Variants in MYOM3 observed in about 807,000 individuals in gnomAD.
MYOM3 encodes the protein myomesin-3.
In MYOM3, 155 loss-of-function variants were observed where a neutral mutation model predicts 191.7. That is an observed-to-expected ratio of 0.81 (90% confidence interval 0.71 to 0.92). The LOEUF is 0.92. Among genes scored for constraint, MYOM3 ranks in the 40% least tolerant of loss-of-function variants. The pLI is 0.00. For synonymous variants in MYOM3, 757 were observed against 762.9 expected, an observed-to-expected ratio of 0.99 and a Z score of 0.13; for missense variants, 1,889 against 1,890.6, an observed-to-expected ratio of 1.00 and a Z score of 0.02.
chr1:24,064,215 G>T, intron 29 of MYOM3, 56 bp from the exon 30 acceptor site: 1 of 1,442,434 alleles, frequency 6.9e-7, no homozygotes, highest in Admixed American at 1.7e-5. Flanking sequence ...AGGAGAGATG[G>T]ATACCAAATC....
intron 18 of MYOM3, 90 bp from the exon 19 acceptor site, chr1:24,081,546 G>C: frequency 1.4e-6 from 2 of 1,442,432 alleles, no homozygotes; most frequent in Non-Finnish European, 1.9e-6. Context: ...CAGAGCAGGT[G>C]GTCTGTGGGG....
rs1236360282 is a variant in MYOM3, at chr1:24,095,440, A to G, written c.790+2T>C. 9 of 1,612,504 alleles carry G rather than the reference A, an allele frequency of 5.6e-6. No homozygotes were observed. In the East Asian group the frequency reaches 6.7e-5, roughly 12 times the overall value. On this transcript the variant is annotated splice_donor_variant, in intron 8 of 36. Coordinates refer to ENST00000374434, the MANE Select transcript of MYOM3 (RefSeq NM_152372.4). LOFTEE classifies it high-confidence loss of function. ...GGTCCCGTTCTCCCCCAGCCGACTT[A>G]CTTTTGAAGATCTCTGAATCGAAGC...
chr1:24,086,363 T>C (rs543586806), intron 15 of MYOM3, among the ~76,000 whole-genome samples: 1 of 152,166 alleles, frequency 6.6e-6, no homozygotes, highest in African/African-American at 2.4e-5. Context: ...GACCAGTTGC[T>C]TGCACAGCTG....
chr1:24,079,582 C>T (rs1643642989), intron 20 of MYOM3, among the ~76,000 whole-genome samples: 1 of 152,152 alleles, frequency 6.6e-6, no homozygotes, highest in Admixed American at 6.5e-5. Flanking sequence ...TTTTAAGGTA[C>T]ACTGTGATTA....
Position 24,065,593 on chromosome 1 carries a change from C to T in MYOM3, c.3534+298G>A, listed in dbSNP as rs61773551. 4.4e-3 allele frequency among the ~76,000 whole-genome samples: 675 copies of T among 152,318 alleles called. 3 individuals carry two copies. Among genetic ancestry groups the T allele is most frequent in the Non-Finnish European group, 7.2e-3 (488 of 68,036 alleles). On this transcript the variant is annotated intron_variant, in intron 29 of 36. Transcript: ENST00000374434. ...GGGGGCTAGCCCAAGCCTGCACAGTCATTGGCAGGGCCAGTACTGGAGCTA... is the reference window on the plus strand; with the variant it reads ...GGGGGCTAGCCCAAGCCTGCACAGTTATTGGCAGGGCCAGTACTGGAGCTA...
At position 24,063,314 on chromosome 1, in the gene MYOM3, G is replaced by T. The variant is rs1484863404; in HGVS notation, c.3662-80C>A. On this transcript the variant is annotated intron_variant, in intron 31 of 36. Coordinates refer to ENST00000374434, the MANE Select transcript of MYOM3 (RefSeq NM_152372.4). This position sits in a 1 kb window ranked among gnomAD's most constrained non-coding sequence, Gnocchi z 4.5. ...TTTTGGGGCCGGCTTGTCTGCCTCT[G>T]CCCTGGGGGGCAGGTGCTGTGGGGG... The T allele has an allele frequency of 2.2e-6, 3 of 1,392,406 alleles. No homozygotes were observed. The highest frequency in any genetic ancestry group is 2.8e-5 in the African/African-American group (2 of 70,524). 86.3% of individuals were successfully genotyped at this position (1,392,406 alleles called of 1,614,324 possible).
At chr1:24,085,569 C>T (rs1643728743) in intron 15 of MYOM3, among the ~76,000 whole-genome samples, 1 of 152,182 alleles carries the variant, frequency 6.6e-6, no homozygotes, top group Non-Finnish European at 1.5e-5. Context: ...CTCCTCTCTT[C>T]TTATTCCTAA....
At chr1:24,090,485 AG>A (rs1643803972) in intron 12 of MYOM3, among the ~76,000 whole-genome samples, 1 of 152,188 alleles carries the variant, frequency 6.6e-6, no homozygotes, top group South Asian at 2.1e-4. Context: ...GACATCTGAC[AG>A]GTGCTGGGGT....
intron 35 of MYOM3, among the ~76,000 whole-genome samples, chr1:24,059,798 C>T (rs1369883907): frequency 6.6e-6 from 1 of 152,172 alleles, no homozygotes; most frequent in Admixed American, 6.5e-5. Context: ...AAGCAGAAAT[C>T]TGGTCTACTC....
chr1:24,107,035 G>C, intron 4 of MYOM3, 38 bp downstream of exon 4: 1 of 1,563,598 alleles, frequency 6.4e-7, no homozygotes, highest in Non-Finnish European at 8.7e-7. Flanking sequence ...GTGCGTCGCA[G>C]GTCCCAGGCC....
In MYOM3 at chr1:24,080,197, G is replaced by A. The variant is rs367895658; in HGVS notation, c.2408-3C>T. 5.0e-6 allele frequency: 8 copies of A among 1,605,894 alleles called. No individual in the cohort carries two copies. The highest frequency in any genetic ancestry group is 4.0e-5 in the African/African-American group (3 of 74,706). Reference sequence around the variant, plus strand: ...TGCCCGTACATCGTACGGGGGGCCTGTGACAAGTGAGAGATGGGAAGAGAT... The same window carrying A: ...TGCCCGTACATCGTACGGGGGGCCTATGACAAGTGAGAGATGGGAAGAGAT... On this transcript the variant is annotated splice_region_variant and splice_polypyrimidine_tract_variant and intron_variant, in intron 19 of 36. Transcript: ENST00000374434.
Position 24,064,079 on chromosome 1 carries a change from C to G in MYOM3, c.3615G>C (p.Thr1205=). The change falls in exon 30 of 37, where the codon ACG becomes ACC. Residue 1205 remains threonine (T), a synonymous_variant. Transcript: ENST00000374434. ...CCCATCGCCAGCTCCTACCGTCACC[C>G]GTGAGGTCCAATATGGTGTCGTCCT... ...RGEDDTILDL[T]GDALDAIFTE... is the part of the protein sequence containing the mutation. 1 of 1,613,774 alleles carries G rather than the reference C, an allele frequency of 6.2e-7. No individual in the cohort carries two copies.
rs765031201 is a variant in MYOM3 at position 24,111,597 on chromosome 1, C to T, written c.-19+434G>A. Reference sequence around the variant, plus strand: ...CTCTAAGATTTGGGATCCGAGGGCTCGCTCTCTTTCCCTGCCTGTGGGGTT... The same window carrying T: ...CTCTAAGATTTGGGATCCGAGGGCTTGCTCTCTTTCCCTGCCTGTGGGGTT... On this transcript the variant is annotated intron_variant, in intron 1 of 36. Coordinates refer to ENST00000374434, the MANE Select transcript of MYOM3 (RefSeq NM_152372.4). The surrounding 1 kb of genome is among the most constrained non-coding windows in gnomAD (Gnocchi z 4.7). Among the ~76,000 whole-genome samples, 4 of 152,186 alleles carry T rather than the reference C, an allele frequency of 2.6e-5. No individual in the cohort carries two copies. Among genetic ancestry groups the T allele is most frequent in the African/African-American group, 4.8e-5 (2 of 41,434 alleles).
At chr1:24,064,940 C>T (rs1189531665) in intron 29 of MYOM3, among the ~76,000 whole-genome samples, 1 of 152,214 alleles carries the variant, frequency 6.6e-6, no homozygotes, top group Non-Finnish European at 1.5e-5. Context: ...CTTCTGACCC[C>T]ACCTTCTAGC....
At position 24,108,540 on chromosome 1, in the gene MYOM3, T is replaced by TCTGCTCCTCCTC. The variant is rs1429758831; in HGVS notation, c.85_96dup (p.Glu29_Gln32dup). 1 of 1,580,332 alleles carries TCTGCTCCTCCTC rather than the reference T, an allele frequency of 6.3e-7. No individual in the cohort carries two copies. Among genetic ancestry groups the TCTGCTCCTCCTC allele is most frequent in the Non-Finnish European group, 8.6e-7 (1 of 1,163,664 alleles). The stretch of plus-strand genomic sequence containing the variant: ...CGCAGGCTGTGCTGCCGCTCCTCCT[T>TCTGCTCCTCCTC]CTGCTCCTCCTCCTGCCGGTGCTCC... On this transcript the variant is annotated inframe_insertion, in exon 2 of 37. Coordinates refer to ENST00000374434, the MANE Select transcript of MYOM3 (RefSeq NM_152372.4).
Position 24,111,616 on chromosome 1 carries a change from TG to T in MYOM3, c.-19+414del, listed in dbSNP as rs1474639536. ...AGGGCTCGCTCTCTTTCCCTGCCTG[TG>T]GGGTTGGCCAAGCCGGGCTCAGCCA... On this transcript the variant is annotated intron_variant, in intron 1 of 36. Transcript: ENST00000374434. This position sits in a 1 kb window ranked among gnomAD's most constrained non-coding sequence, Gnocchi z 4.7. 2.0e-5 allele frequency among the ~76,000 whole-genome samples: 3 copies of T among 152,148 alleles called. No homozygotes were observed. The East Asian group carries it at 5.8e-4, about 29-fold the overall frequency.
Position 24,071,249 on chromosome 1 carries a change from G to A in MYOM3, c.3018C>T (p.Ile1006=), listed in dbSNP as rs777726430. 15 of 1,612,486 alleles carry A rather than the reference G, an allele frequency of 9.3e-6. No homozygotes were observed. In the Admixed American group the frequency reaches 2.5e-4, roughly 27 times the overall value. ...KLSHEIRNPV[I]KLISGWNIDI... is the part of the protein sequence containing the mutation. ...CAATGTTCCAGCCGGAGATCAGTTTGATCACTGGGAGGCGCAGGACGGGAA... is the reference window on the plus strand; with the variant it reads ...CAATGTTCCAGCCGGAGATCAGTTTAATCACTGGGAGGCGCAGGACGGGAA... Residue 1006 remains isoleucine (I), a synonymous_variant, in exon 25 of 37, where the codon ATC becomes ATT. Transcript: ENST00000374434.
chr1:24,107,293 C>A, intron 3 of MYOM3, 61 bp from the exon 4 acceptor site: 1 of 1,442,612 alleles, frequency 6.9e-7, no homozygotes. Flanking sequence ...GGCATCCTGG[C>A]CAGTTCCATT....
intron 5 of MYOM3, among the ~76,000 whole-genome samples, chr1:24,101,327 T>C (rs1643931187): frequency 6.6e-6 from 1 of 152,194 alleles, no homozygotes; most frequent in Non-Finnish European, 1.5e-5. Context: ...TTCTAGCTTA[T>C]TTAAGCCATT....
Sources: allele counts gnomAD v4.1 joint callset (sites outside exome capture counted in the v4.1 genomes callset), GRCh38; gene constraint gnomAD v4.1.1; non-coding constraint Gnocchi (gnomAD v3.1); transcripts MANE v1.5; gene names NCBI Gene and HGNC (gene_info 2026-07-23, HGNC 2026-07-21).